The following MAGI1 variants were observed in gnomAD, a reference collection of about 807,000 sequenced individuals.
MAGI1 encodes membrane-associated guanylate kinase, WW and PDZ domain-containing protein 1.
In MAGI1, 58 loss-of-function variants were observed where a neutral mutation model predicts 139.9. That is an observed-to-expected ratio of 0.41 (90% confidence interval 0.34 to 0.52). The LOEUF (loss-of-function observed/expected upper bound fraction) is 0.52, where lower values mean the gene tolerates loss of function less well. Among genes scored for constraint, MAGI1 ranks in the 20% least tolerant of loss-of-function variants. MAGI1 has a pLI of 0.12. For missense variants in MAGI1, 1,874 were observed against 1,901.6 expected, an observed-to-expected ratio of 0.99 and a Z score of 0.27; for synonymous variants, 812 against 737.9, an observed-to-expected ratio of 1.10 and a Z score of -1.63.
chr3:65,718,461 G>T (rs1484803811), intron 1 of MAGI1: 1 of 152,274 alleles, frequency 6.6e-6, no homozygotes, highest in South Asian at 2.1e-4. Flanking sequence ...ATCCTACAAT[G>T]TTGTACCTTT....
chr3:65,891,441 A>T (rs1575875540), intron 1 of MAGI1, among the ~76,000 whole-genome samples: 1 of 151,884 alleles, frequency 6.6e-6, no homozygotes, highest in South Asian at 2.1e-4. Flanking sequence ...CATCAATAAA[A>T]CCCTTAAAGC....
At chr3:65,829,376 G>A (rs1255407977) in intron 1 of MAGI1, among the ~76,000 whole-genome samples, 1 of 152,118 alleles carries the variant, frequency 6.6e-6, no homozygotes, top group African/African-American at 2.4e-5. Context: ...TCAAGAAGTG[G>A]GGCCTCTGGG....
At chr3:65,852,562 T>C (rs2059240334) in intron 1 of MAGI1, among the ~76,000 whole-genome samples, 1 of 150,754 alleles carries the variant, frequency 6.6e-6, no homozygotes, top group Non-Finnish European at 1.5e-5. Flanking sequence ...GGAGCACAAC[T>C]GCATGATCTC....
chr3:65,478,341 G>A (rs958398228), intron 4 of MAGI1, among the ~76,000 whole-genome samples: 6 of 152,034 alleles, frequency 3.9e-5, no homozygotes, highest in African/African-American at 1.4e-4. Context: ...TTTCTCGTTT[G>A]CCTTCTTCAT....
chr3:65,590,427 A>G (rs1031031491), intron 2 of MAGI1, among the ~76,000 whole-genome samples: 2 of 152,262 alleles, frequency 1.3e-5, no homozygotes, highest in African/African-American at 4.8e-5. Context: ...ACCTTGTATA[A>G]CTGTAAAGAA....
intron 1 of MAGI1, among the ~76,000 whole-genome samples, chr3:65,692,535 G>A (rs72908190): frequency 1.3e-5 from 2 of 152,048 alleles, no homozygotes; most frequent in African/African-American, 4.8e-5. Context: ...GAGATAGCCA[G>A]TGTCATCACC....
At chr3:65,998,567 A>G (rs764994619) in intron 1 of MAGI1, among the ~76,000 whole-genome samples, 98 of 152,364 alleles carry the variant, frequency 6.4e-4, no homozygotes, top group Admixed American at 2.5e-3. Context: ...TTACATATTT[A>G]GAGGTTAAGA....
Position 65,380,385 on chromosome 3 carries a change from T to C in MAGI1, c.2702-831A>G, listed in dbSNP as rs576265817. On this transcript the variant is annotated intron_variant, in intron 16 of 22. Transcript: ENST00000402939. The stretch of plus-strand genomic sequence containing the variant: ...AGCATAACAAATTTTTAAACCATTT[T>C]TAAGCATACAGTTGAGTGGTATTAA... 3.9e-5 allele frequency among the ~76,000 whole-genome samples: 6 copies of C among 152,354 alleles called. No homozygotes were observed. In the East Asian group the frequency reaches 1.2e-3, roughly 29 times the overall value.
intron 1 of MAGI1, among the ~76,000 whole-genome samples, chr3:65,897,633 C>G (rs1475377139): frequency 6.6e-6 from 1 of 151,750 alleles, no homozygotes; most frequent in Non-Finnish European, 1.5e-5. Context: ...GCACATGTAC[C>G]CTAGGACTTA....
chr3:65,945,102 A>G (rs2063491759), intron 1 of MAGI1, among the ~76,000 whole-genome samples: 1 of 152,202 alleles, frequency 6.6e-6, no homozygotes, highest in Non-Finnish European at 1.5e-5. Flanking sequence ...GGGAGCACCA[A>G]TGGATCTGGT....
chr3:65,802,666 T>C (rs1340906153), intron 1 of MAGI1, among the ~76,000 whole-genome samples: 1 of 152,204 alleles, frequency 6.6e-6, no homozygotes, highest in Non-Finnish European at 1.5e-5. Context: ...TCCTGTAACA[T>C]CTATCAAGTA....
chr3:65,439,099 G>C (rs906754187), intron 9 of MAGI1, among the ~76,000 whole-genome samples: 4 of 151,958 alleles, frequency 2.6e-5, no homozygotes, highest in African/African-American at 9.7e-5. Context: ...TGAAAAACTG[G>C]GGAAAGCCAG....
chr3:65,461,530 C>G (rs1218645142), intron 5 of MAGI1, among the ~76,000 whole-genome samples: 1 of 147,898 alleles, frequency 6.8e-6, no homozygotes, highest in African/African-American at 2.5e-5. Context: ...ACTCTGTCGC[C>G]CAGGCTGGAG....
At chr3:65,562,913 C>A (rs2080429886) in intron 2 of MAGI1, among the ~76,000 whole-genome samples, 1 of 152,088 alleles carries the variant, frequency 6.6e-6, no homozygotes. Context: ...TTTTTTTGAA[C>A]CTAGGTTCCC....
chr3:65,923,812 G>C (rs948655520), intron 1 of MAGI1, among the ~76,000 whole-genome samples: 2 of 152,172 alleles, frequency 1.3e-5, no homozygotes, highest in South Asian at 2.1e-4. Flanking sequence ...CTAAGGTACA[G>C]CTCTCTCCAT....
At chr3:65,676,435 T>C (rs752130731) in intron 1 of MAGI1, among the ~76,000 whole-genome samples, 3 of 152,242 alleles carry the variant, frequency 2.0e-5, no homozygotes, top group Non-Finnish European at 4.4e-5. Context: ...TTTTGGTTTA[T>C]AAATTTCTGA....
intron 1 of MAGI1, among the ~76,000 whole-genome samples, chr3:65,702,706 C>T (rs1268943496): frequency 1.3e-5 from 2 of 152,088 alleles, no homozygotes; most frequent in African/African-American, 4.8e-5. Flanking sequence ...GTTAGGCCAC[C>T]TGTATGTACT....
At chr3:65,752,943 C>A (rs2036269397) in intron 1 of MAGI1, among the ~76,000 whole-genome samples, 1 of 152,174 alleles carries the variant, frequency 6.6e-6, no homozygotes. Context: ...CTATAAATCC[C>A]ACTTGTCCTG....
intron 2 of MAGI1, chr3:65,597,901 A>G (rs2082294063): frequency 2.3e-6 from 1 of 427,276 alleles, no homozygotes. Flanking sequence ...TTGGCTCTGC[A>G]GCGGCTGTAA....
Sources: allele counts gnomAD v4.1 joint callset (sites outside exome capture counted in the v4.1 genomes callset), GRCh38; gene constraint gnomAD v4.1.1; transcripts MANE v1.5; gene names NCBI Gene and HGNC (gene_info 2026-07-23, HGNC 2026-07-21).